Variants in GAP43 observed in about 807,000 individuals in gnomAD.
GAP43 encodes growth associated protein 43.
A neutral mutation model predicts 18.6 loss-of-function variants in GAP43; 6 were observed. The observed-to-expected ratio is 0.32, with a 90% CI of 0.18 to 0.64. GAP43 has a LOEUF of 0.64. GAP43 is among the 30% of genes least tolerant of loss of function. The probability of loss-of-function intolerance (pLI) is 0.78; values close to 1 mark genes in which losing one functional copy is unlikely to be tolerated. For synonymous variants in GAP43, 115 were observed against 111.4 expected, an observed-to-expected ratio of 1.03 and a Z score of -0.20; for missense variants, 292 against 295.5, an observed-to-expected ratio of 0.99 and a Z score of 0.09.
chr3:115,675,995 C>T lies in GAP43; in HGVS notation c.31-18C>T. The stretch of plus-strand genomic sequence containing the variant: ...ATGTCATTGAAGCCCTCTCTTTTCC[C>T]TTCTTTTCTCGACAAAGGTTGAAAA... On this transcript the variant is annotated intron_variant, in intron 1 of 2. Transcript: ENST00000305124. 1 of 1,580,734 alleles carries T rather than the reference C, an allele frequency of 6.3e-7. No homozygotes were observed. Among genetic ancestry groups the T allele is most frequent in the Admixed American group, 1.9e-5 (1 of 54,024 alleles).
chr3:115,685,150 G>GT (rs1709017129), intron 2 of GAP43, among the ~76,000 whole-genome samples: 1 of 152,182 alleles, frequency 6.6e-6, no homozygotes, highest in East Asian at 1.9e-4. Context: ...ACTCAGGCCT[G>GT]TAAGTCATCC....
chr3:115,645,888 C>T (rs1455307035), intron 1 of GAP43, among the ~76,000 whole-genome samples: 3 of 151,966 alleles, frequency 2.0e-5, no homozygotes, highest in Admixed American at 6.6e-5. Context: ...AGCATGCAAA[C>T]ATATGCAGAC....
chr3:115,666,841 TC>T (rs1708739629), intron 1 of GAP43, among the ~76,000 whole-genome samples: 1 of 152,184 alleles, frequency 6.6e-6, no homozygotes, highest in Non-Finnish European at 1.5e-5. Context: ...CTGGACTCCT[TC>T]CTGGTTCCTC....
chr3:115,696,067 C>CT (rs1048249820), intron 2 of GAP43, among the ~76,000 whole-genome samples: 5 of 151,932 alleles, frequency 3.3e-5, no homozygotes, highest in Non-Finnish European at 4.4e-5. Context: ...CTCTCTCTCT[C>CT]TTTTTTTATT....
chr3:115,662,402 T>G (rs1372830039), intron 1 of GAP43, among the ~76,000 whole-genome samples: 3 of 152,170 alleles, frequency 2.0e-5, no homozygotes, highest in Non-Finnish European at 4.4e-5. Context: ...TCAGGCAACT[T>G]TGGTTTGTTC....
At position 115,626,205 on chromosome 3, in the gene GAP43, C is replaced by T. The variant is rs77641499; in HGVS notation, c.30+2486C>T. On this transcript the variant is annotated intron_variant, in intron 1 of 2. Transcript: ENST00000305124. ...CCAGTGGTGCCCATCCTTCTGCTGG[C>T]ATCTATTCATCATCGTAGTACTTAA... is the stretch of plus-strand genomic sequence containing the variant. 1.4e-4 allele frequency among the ~76,000 whole-genome samples: 21 copies of T among 152,288 alleles called. No individual in the cohort carries two copies. The East Asian group carries it at 4.1e-3, about 29-fold the overall frequency.
chr3:115,624,893 T>C (rs1265038516), intron 1 of GAP43, among the ~76,000 whole-genome samples: 1 of 81,782 alleles, frequency 1.2e-5, no homozygotes, highest in Non-Finnish European at 2.3e-5. Context: ...TGCTTGACTG[T>C]GGTGGGGGTG....
At chr3:115,662,790 C>T (rs931595278) in intron 1 of GAP43, among the ~76,000 whole-genome samples, 2 of 152,166 alleles carry the variant, frequency 1.3e-5, no homozygotes, top group African/African-American at 2.4e-5. Flanking sequence ...TGGCATGTCT[C>T]ATAGTGTTGT....
At chr3:115,650,586 CATTAGATCTTT>C (rs1358513593) in intron 1 of GAP43, among the ~76,000 whole-genome samples, 1 of 152,070 alleles carries the variant, frequency 6.6e-6, no homozygotes, top group African/African-American at 2.4e-5. Context: ...TGAAGTGGGA[CATTAGATCTTT>C]ATGGTTCTTA....
Position 115,720,947 on chromosome 3 carries a change from C to T in GAP43, c.*65C>T. On this transcript the variant is annotated 3_prime_UTR_variant, in exon 3 of 3. Transcript: ENST00000305124. The stretch of plus-strand genomic sequence containing the variant: ...TCCTGAGCCTGTCTCTCCCTACCCT[C>T]TTCTCAGCTCCACTCTGAAGTCCCT... The T allele has an allele frequency of 9.3e-7, 1 of 1,079,846 alleles. No homozygotes were observed. The highest frequency in any genetic ancestry group is 1.4e-5 in the South Asian group (1 of 72,670). The allele number at this position is 1,079,846 out of a possible 1,614,324, so 66.9% of individuals were successfully genotyped here. A position where few individuals can be genotyped will look rare whatever the true frequency, so the allele number is the denominator to read the frequency against.
At chr3:115,668,793 C>G (rs1249365385) in intron 1 of GAP43, among the ~76,000 whole-genome samples, 1 of 152,060 alleles carries the variant, frequency 6.6e-6, no homozygotes, top group East Asian at 1.9e-4. Flanking sequence ...AATCCCAGCA[C>G]TTTGGGAGGC....
chr3:115,626,712 A>T (rs1487497925), intron 1 of GAP43, among the ~76,000 whole-genome samples: 1 of 152,140 alleles, frequency 6.6e-6, no homozygotes, highest in East Asian at 1.9e-4. Flanking sequence ...TTTAGTTTGT[A>T]ATTGAAGTGT....
At chr3:115,699,094 T>C (rs1015843669) in intron 2 of GAP43, among the ~76,000 whole-genome samples, 2 of 152,180 alleles carry the variant, frequency 1.3e-5, no homozygotes, top group African/African-American at 2.4e-5. Context: ...CTGTCTACCA[T>C]GGAAAGATTT....
intron 2 of GAP43, among the ~76,000 whole-genome samples, chr3:115,681,443 G>A (rs140424839): frequency 6.6e-6 from 1 of 152,190 alleles, no homozygotes; most frequent in East Asian, 1.9e-4. Flanking sequence ...GTGATCTGAT[G>A]CTTTTGGGAA....
chr3:115,663,712 T>G, intron 1 of GAP43: 3 of 1,509,382 alleles, frequency 2.0e-6, no homozygotes, highest in Non-Finnish European at 2.7e-6. Context: ...AAGATAAAAT[T>G]GGACTGACAG....
chr3:115,651,734 C>T (rs957452082), intron 1 of GAP43, among the ~76,000 whole-genome samples: 3 of 152,116 alleles, frequency 2.0e-5, no homozygotes, highest in Admixed American at 2.0e-4. Flanking sequence ...CCTCCCTCCC[C>T]CACTGTTCTA....
At chr3:115,641,543 C>CACACACACACAGACAT (rs148731356) in intron 1 of GAP43, among the ~76,000 whole-genome samples, 1 of 150,242 alleles carries the variant, frequency 6.7e-6, no homozygotes, top group Admixed American at 6.6e-5. Context: ...CACACACACA[C>CACACACACACAGACAT]GGTGCTTTCC....
chr3:115,697,884 G>C (rs1709217003), intron 2 of GAP43, among the ~76,000 whole-genome samples: 1 of 149,222 alleles, frequency 6.7e-6, no homozygotes, highest in South Asian at 2.1e-4. Flanking sequence ...TGTTAAATTT[G>C]CTTACATATT....
rs1708880128 is a variant in GAP43, at chr3:115,676,078, T to C, written c.96T>C (p.His32=). ...QDGIKPEDKA[H]KAATKIQASF... The stretch of plus-strand genomic sequence containing the variant: ...GTATCAAACCAGAAGATAAAGCTCA[T>C]AAGGCCGCAACCAAAATTCAGGCTA... Residue 32 remains histidine, a synonymous_variant, in exon 2 of 3, where the codon CAT becomes CAC. Coordinates refer to ENST00000305124, the MANE Select transcript of GAP43 (RefSeq NM_002045.4). 1 of 1,613,880 alleles carries C rather than the reference T, an allele frequency of 6.2e-7. No homozygotes were observed. The highest frequency in any genetic ancestry group is 8.5e-7 in the Non-Finnish European group (1 of 1,180,008).
Sources: allele counts gnomAD v4.1 joint callset (sites outside exome capture counted in the v4.1 genomes callset), GRCh38; gene constraint gnomAD v4.1.1; transcripts MANE v1.5; gene names NCBI Gene and HGNC (gene_info 2026-07-23, HGNC 2026-07-21).